MEIS2: variants seen among roughly 807,000 people sequenced by gnomAD.
MEIS2 encodes the protein homeobox protein Meis2.
MEIS2 carries 9 observed loss-of-function variants against 58.6 expected under a neutral mutation model. The ratio of observed to expected loss-of-function variants is 0.15; its 90% CI spans 0.09 to 0.27. The LOEUF is 0.27. Ranked by LOEUF, MEIS2 falls within the 10% of genes least tolerant of loss-of-function variation. The pLI is 1.00. For synonymous variants in MEIS2, 221 were observed against 228.4 expected, an observed-to-expected ratio of 0.97 and a Z score of 0.29; for missense variants, 427 against 635.0, an observed-to-expected ratio of 0.67 and a Z score of 3.52.
intron 9 of MEIS2, among the ~76,000 whole-genome samples, chr15:36,911,129 A>G (rs2057000600): frequency 6.6e-6 from 1 of 151,394 alleles, no homozygotes; most frequent in Admixed American, 6.6e-5. Context: ...TGTTTTCTCT[A>G]CCTTTTCCTT....
In MEIS2 at chr15:37,100,467, G is replaced by C. The variant is rs1159684987; in HGVS notation, c.-1001C>G. ...GAAGTCGTGGTGGCCATAGCCCGTC[G>C]TACGGCGGAGACACATCCCGGGAGT... On this transcript the variant is annotated 5_prime_UTR_variant, in exon 1 of 12. Coordinates refer to ENST00000561208, the MANE Select transcript of MEIS2 (RefSeq NM_170675.5). 2.6e-5 allele frequency: 4 copies of C among 152,562 alleles called. No individual in the cohort carries two copies. Among genetic ancestry groups the C allele is most frequent in the Non-Finnish European group, 5.9e-5 (4 of 68,178 alleles). The allele number at this position is 152,562 out of a possible 1,614,324, so 9.5% of individuals were successfully genotyped here.
chr15:36,997,264 CAACA>C (rs1184419503), intron 8 of MEIS2, among the ~76,000 whole-genome samples: 7 of 152,066 alleles, frequency 4.6e-5, no homozygotes, highest in Non-Finnish European at 7.4e-5. Context: ...AAAGCAAAAC[CAACA>C]AACAAACACA....
At chr15:36,987,754 C>T (rs889370454) in intron 8 of MEIS2, among the ~76,000 whole-genome samples, 6 of 151,148 alleles carry the variant, frequency 4.0e-5, no homozygotes, top group Non-Finnish European at 7.4e-5. Context: ...TCATCTTCAT[C>T]TGATCTAAAT....
At chr15:37,071,380 T>G (rs986819605) in intron 7 of MEIS2, among the ~76,000 whole-genome samples, 1 of 152,028 alleles carries the variant, frequency 6.6e-6, no homozygotes, top group Non-Finnish European at 1.5e-5. Context: ...GGCTTGGGGC[T>G]TGGGGCCAGG....
chr15:37,003,971 A>G (rs1423392300), intron 8 of MEIS2, among the ~76,000 whole-genome samples: 1 of 152,206 alleles, frequency 6.6e-6, no homozygotes, highest in African/African-American at 2.4e-5. Context: ...GACTGTGAGA[A>G]ATAAATGTCT....
At chr15:36,927,765 T>C (rs1473240014) in intron 9 of MEIS2, among the ~76,000 whole-genome samples, 2 of 152,168 alleles carry the variant, frequency 1.3e-5, no homozygotes, top group Non-Finnish European at 2.9e-5. Flanking sequence ...CTGAAAATAA[T>C]GTCTGTTCCC....
At chr15:36,953,678 A>G (rs1163100154) in intron 8 of MEIS2, among the ~76,000 whole-genome samples, 1 of 152,166 alleles carries the variant, frequency 6.6e-6, no homozygotes, top group Admixed American at 6.5e-5. Context: ...CAATCCTCTA[A>G]CTTTGAATAT....
At chr15:37,080,313 C>G (rs1331449737) in intron 7 of MEIS2, among the ~76,000 whole-genome samples, 1 of 152,154 alleles carries the variant, frequency 6.6e-6, no homozygotes, top group African/African-American at 2.4e-5. Context: ...AATTTGTCAA[C>G]ATCTCAATTA....
rs532571596 is a variant in MEIS2 at position 37,060,031 on chromosome 15, G to A, written c.755-23072C>T. Among the ~76,000 whole-genome samples the A allele has an allele frequency of 1.4e-4, 21 of 152,198 alleles. No homozygotes were observed. The East Asian group carries it at 3.5e-3, about 25-fold the overall frequency. ...CTGCAGCCTCCATGAGCTATGATACGGTCCTCAAGTGATCTTCCTGTCTCA... is the reference window on the plus strand; with the variant it reads ...CTGCAGCCTCCATGAGCTATGATACAGTCCTCAAGTGATCTTCCTGTCTCA... On this transcript the variant is annotated intron_variant, in intron 7 of 11. Coordinates refer to ENST00000561208, the MANE Select transcript of MEIS2 (RefSeq NM_170675.5).
intron 8 of MEIS2, among the ~76,000 whole-genome samples, chr15:36,954,735 T>C (rs1261669143): frequency 2.0e-5 from 3 of 152,170 alleles, no homozygotes; most frequent in Non-Finnish European, 4.4e-5. Context: ...TTTGTCAAGT[T>C]ACTTCTGTGA....
intron 7 of MEIS2, among the ~76,000 whole-genome samples, chr15:37,048,406 T>G (rs1204028335): frequency 6.6e-6 from 1 of 152,104 alleles, no homozygotes; most frequent in Non-Finnish European, 1.5e-5. Flanking sequence ...ACAGAAATTA[T>G]TTCATTCCAT....
chr15:36,906,465 A>T (rs1365198878), intron 9 of MEIS2, among the ~76,000 whole-genome samples: 1 of 152,166 alleles, frequency 6.6e-6, no homozygotes, highest in Non-Finnish European at 1.5e-5. Flanking sequence ...TACAAATACA[A>T]AAGATATTAA....
Position 36,931,184 on chromosome 15 carries a change from T to A in MEIS2, c.977+19140A>T, listed in dbSNP as rs577147650. On this transcript the variant is annotated intron_variant, in intron 9 of 11. Coordinates refer to ENST00000561208, the MANE Select transcript of MEIS2 (RefSeq NM_170675.5). ...TGAAGGACAGTCAAATGATTAAAAT[T>A]TGTCATCAGCCAAGAGAGGAGAGAA... Among the ~76,000 whole-genome samples, 10 of 152,296 alleles carry A rather than the reference T, an allele frequency of 6.6e-5. No homozygotes were observed. The South Asian group carries it at 2.1e-3, about 32-fold the overall frequency.
At chr15:36,957,131 A>T (rs1488629155) in intron 8 of MEIS2, among the ~76,000 whole-genome samples, 1 of 152,176 alleles carries the variant, frequency 6.6e-6, no homozygotes, top group African/African-American at 2.4e-5. Flanking sequence ...AATGTACATG[A>T]AAGTGTGAAC....
At chr15:37,092,853 C>T (rs1449722829) in intron 6 of MEIS2, among the ~76,000 whole-genome samples, 1 of 151,376 alleles carries the variant, frequency 6.6e-6, no homozygotes, top group Non-Finnish European at 1.5e-5. Flanking sequence ...TTACTATACT[C>T]TCCATCCTCA....
chr15:37,044,542 T>C (rs1351785303), intron 7 of MEIS2, among the ~76,000 whole-genome samples: 1 of 152,218 alleles, frequency 6.6e-6, no homozygotes, highest in Non-Finnish European at 1.5e-5. Context: ...CAAGGGATCT[T>C]TCAAGATTCC....
Position 36,950,205 on chromosome 15 carries a change from A to G in MEIS2, c.977+119T>C. 17 of 881,462 alleles carry G rather than the reference A, an allele frequency of 1.9e-5. No individual in the cohort carries two copies. In the South Asian group the frequency reaches 2.8e-4, roughly 14 times the overall value. 54.6% of individuals were successfully genotyped at this position (881,462 alleles called of 1,614,324 possible). ...CCCTTTCACACCTCGAGGTAGAAAC[A>G]CAGAAGTTATCCTCCTCGATTTCAT... On this transcript the variant is annotated intron_variant, in intron 9 of 11. Coordinates refer to ENST00000561208, the MANE Select transcript of MEIS2 (RefSeq NM_170675.5).
At chr15:36,977,120 C>T (rs1381884133) in intron 8 of MEIS2, among the ~76,000 whole-genome samples, 2 of 151,808 alleles carry the variant, frequency 1.3e-5, no homozygotes, top group Non-Finnish European at 2.9e-5. Flanking sequence ...GAGCAAAACT[C>T]CATCTCAAAA....
At chr15:36,990,136 A>G (rs575125450) in intron 8 of MEIS2, among the ~76,000 whole-genome samples, 12 of 152,152 alleles carry the variant, frequency 7.9e-5, no homozygotes, top group African/African-American at 1.9e-4. Context: ...TAGTAGAGAC[A>G]GGGTTTCACC....
Sources: allele counts gnomAD v4.1 joint callset (sites outside exome capture counted in the v4.1 genomes callset), GRCh38; gene constraint gnomAD v4.1.1; transcripts MANE v1.5; gene names NCBI Gene and HGNC (gene_info 2026-07-23, HGNC 2026-07-21).